The following CNTNAP2 variants were observed in gnomAD, a reference collection of about 807,000 sequenced individuals.
CNTNAP2 encodes contactin-associated protein-like 2.
In CNTNAP2, 98 loss-of-function variants were observed where a neutral mutation model predicts 155.2. The ratio of observed to expected loss-of-function variants is 0.63; its 90% CI spans 0.54 to 0.75. The LOEUF is 0.75. Ranked by LOEUF, CNTNAP2 falls within the 30% of genes least tolerant of loss-of-function variation. The pLI is 0.00. For missense variants in CNTNAP2, 1,727 were observed against 1,688.1 expected (o/e 1.02, Z -0.40); for synonymous variants, 651 against 631.2 (o/e 1.03, Z -0.47).
At chr7:146,500,575 T>A (rs1797286269) in intron 1 of CNTNAP2, among the ~76,000 whole-genome samples, 2 of 152,150 alleles carry the variant, frequency 1.3e-5, no homozygotes, top group African/African-American at 2.4e-5. Flanking sequence ...GGAACTCAGA[T>A]AAAACAAATG....
At chr7:146,657,113 CA>C (rs1270837185) in intron 1 of CNTNAP2, among the ~76,000 whole-genome samples, 1 of 152,134 alleles carries the variant, frequency 6.6e-6, no homozygotes, top group Non-Finnish European at 1.5e-5. Context: ...TATACTTGCT[CA>C]ACTAAAATGA....
intron 13 of CNTNAP2, among the ~76,000 whole-genome samples, chr7:147,676,285 A>G (rs1795865294): frequency 1.3e-5 from 2 of 152,044 alleles, no homozygotes; most frequent in South Asian, 4.1e-4. Flanking sequence ...AGCAGTTAGC[A>G]TTTAGTGTTA....
At chr7:147,612,418 T>C (rs989975199) in intron 12 of CNTNAP2, among the ~76,000 whole-genome samples, 91 of 151,096 alleles carry the variant, frequency 6.0e-4, no homozygotes, top group Non-Finnish European at 1.2e-3. Flanking sequence ...TTTTTTTTTT[T>C]CTGAGACGGA....
chr7:147,501,322 A>G (rs1238739659), intron 11 of CNTNAP2, among the ~76,000 whole-genome samples: 1 of 152,024 alleles, frequency 6.6e-6, no homozygotes, highest in Non-Finnish European at 1.5e-5. Context: ...GGATCAGGAA[A>G]AAGACAAGGA....
chr7:148,304,800 C>T (rs1797459262), intron 21 of CNTNAP2, among the ~76,000 whole-genome samples: 1 of 152,130 alleles, frequency 6.6e-6, no homozygotes, highest in African/African-American at 2.4e-5. Context: ...TCCTCCATGG[C>T]CTCCTCCCCT....
At position 146,359,087 on chromosome 7, in the gene CNTNAP2, T is replaced by C. The variant is rs139970412; in HGVS notation, c.97+242114T>C. ...AGTATAGTCCCATTTATTTTGATTATACTACATGAGAAATTCTAAAATCAG... is the reference window on the plus strand; with the variant it reads ...AGTATAGTCCCATTTATTTTGATTACACTACATGAGAAATTCTAAAATCAG... On this transcript the variant is annotated intron_variant, in intron 1 of 23. Coordinates refer to ENST00000361727, the MANE Select transcript of CNTNAP2 (RefSeq NM_014141.6). Among the ~76,000 whole-genome samples, 8 of 152,370 alleles carry C rather than the reference T, an allele frequency of 5.3e-5. No individual in the cohort carries two copies. The East Asian group carries it at 1.5e-3, about 29-fold the overall frequency.
chr7:146,899,167 T>G (rs564272752), intron 3 of CNTNAP2, among the ~76,000 whole-genome samples: 1 of 152,326 alleles, frequency 6.6e-6, no homozygotes, highest in South Asian at 2.1e-4. Context: ...ATCCACTATC[T>G]GCTTTCTCTT....
At chr7:147,280,533 C>A (rs1276061209) in intron 8 of CNTNAP2, among the ~76,000 whole-genome samples, 1 of 151,692 alleles carries the variant, frequency 6.6e-6, no homozygotes, top group East Asian at 1.9e-4. Flanking sequence ...ATTTGTAGTG[C>A]CCTTTGGGAA....
At chr7:148,358,630 C>T (rs1798563316) in intron 21 of CNTNAP2, among the ~76,000 whole-genome samples, 1 of 152,144 alleles carries the variant, frequency 6.6e-6, no homozygotes, top group Non-Finnish European at 1.5e-5. Context: ...ATAGAACAGG[C>T]CTCCCTTTTA....
intron 17 of CNTNAP2, among the ~76,000 whole-genome samples, chr7:148,157,636 T>G (rs1445793124): frequency 6.6e-6 from 1 of 151,132 alleles, no homozygotes; most frequent in Non-Finnish European, 1.5e-5. Flanking sequence ...CAAATCAGTC[T>G]AGAGCCTGAG....
intron 1 of CNTNAP2, among the ~76,000 whole-genome samples, chr7:146,287,591 C>T (rs1371734101): frequency 4.6e-5 from 7 of 152,148 alleles, no homozygotes; most frequent in East Asian, 3.9e-4. Context: ...TTTCAACAGA[C>T]GCTCATCTTT....
chr7:146,648,374 T>C (rs768331681), intron 1 of CNTNAP2, among the ~76,000 whole-genome samples: 44 of 152,218 alleles, frequency 2.9e-4, no homozygotes, highest in Admixed American at 8.5e-4. Context: ...TTTGTAGTTA[T>C]AATCAGGAAA....
intron 14 of CNTNAP2, among the ~76,000 whole-genome samples, chr7:147,932,960 G>T (rs1253559234): frequency 6.6e-6 from 1 of 152,124 alleles, no homozygotes; most frequent in Non-Finnish European, 1.5e-5. Flanking sequence ...TACATAAAAA[G>T]ATTGTTCAAC....
At chr7:146,411,239 T>G (rs992188282) in intron 1 of CNTNAP2, among the ~76,000 whole-genome samples, 4 of 149,682 alleles carry the variant, frequency 2.7e-5, no homozygotes, top group African/African-American at 9.8e-5. Context: ...TCACTACAAC[T>G]TCTGCCTCCC....
chr7:148,247,693 G>A (rs191531664), intron 20 of CNTNAP2, among the ~76,000 whole-genome samples: 178 of 142,104 alleles, frequency 1.3e-3, no homozygotes, highest in African/African-American at 3.5e-3. Context: ...CCACTCTGTC[G>A]CCCAGGCTGG....
At chr7:146,814,692 A>G (rs1803130531) in intron 2 of CNTNAP2, among the ~76,000 whole-genome samples, 1 of 152,122 alleles carries the variant, frequency 6.6e-6, no homozygotes, top group African/African-American at 2.4e-5. Context: ...TGATGACATG[A>G]CTGGCTGTCT....
chr7:147,530,668 C>T (rs557204610), intron 11 of CNTNAP2, among the ~76,000 whole-genome samples: 1 of 152,244 alleles, frequency 6.6e-6, no homozygotes, highest in East Asian at 1.9e-4. Context: ...CTGGGAGATA[C>T]AATTCAAGTT....
intron 3 of CNTNAP2, among the ~76,000 whole-genome samples, chr7:147,027,013 A>C (rs563108626): frequency 4.2e-4 from 55 of 132,360 alleles, no homozygotes; most frequent in African/African-American, 2.0e-3. Context: ...AGAAAAAAAA[A>C]AAAACAAAAA....
At chr7:147,641,169 C>T (rs148617611) in intron 13 of CNTNAP2, among the ~76,000 whole-genome samples, 20 of 143,030 alleles carry the variant, frequency 1.4e-4, no homozygotes, top group Admixed American at 6.6e-4. Flanking sequence ...CATTTTGGAG[C>T]TGCTTTAAAA....
Sources: allele counts gnomAD v4.1 joint callset (sites outside exome capture counted in the v4.1 genomes callset), GRCh38; gene constraint gnomAD v4.1.1; transcripts MANE v1.5; gene names NCBI Gene and HGNC (gene_info 2026-07-23, HGNC 2026-07-21).